Variants in UTP20 observed in about 807,000 individuals in gnomAD.
UTP20 encodes the protein small subunit processome component 20 homolog.
A neutral mutation model predicts 329.5 loss-of-function variants in UTP20; 164 were observed. That is an observed-to-expected ratio of 0.50 (90% CI 0.44 to 0.57). The LOEUF is 0.57. Ranked by LOEUF, UTP20 falls within the 20% of genes least tolerant of loss-of-function variation. The pLI is 0.00. For synonymous variants in UTP20, 1,151 were observed against 1,159.3 expected (o/e 0.99, Z 0.14); for missense variants, 3,055 against 3,284.2 (o/e 0.93, Z 1.71).
At chr12:101,320,988 A>T (rs1231580630) in intron 24 of UTP20, 51 bp downstream of exon 24, 2 of 1,505,294 alleles carry the variant, frequency 1.3e-6, no homozygotes, top group East Asian at 2.3e-5. Flanking sequence ...TGATTTTTAT[A>T]TTTCTGCCTA....
At chr12:101,365,378 A>G (rs915372183) in intron 45 of UTP20, 81 bp from the exon 46 acceptor site, 3 of 1,014,198 alleles carry the variant, frequency 3.0e-6, no homozygotes, top group Non-Finnish European at 4.2e-6. Flanking sequence ...GAAAGCTAAT[A>G]TATAAAAGAA....
In UTP20 at chr12:101,342,459, A is replaced by T; in HGVS notation, c.4115A>T (p.Asp1372Val). ...TTTCTTCTCAAGGATACAGAGGTTG[A>T]TATTCTGGTGACAGTACAAAACTTG... Reference protein sequence around the residue: ...RGNIAEDTEVDILVTVQNLLK... With the variant: ...RGNIAEDTEVVILVTVQNLLK... Residue 1372 changes from aspartate (D) to valine (V), a missense_variant, in exon 33 of 62, where the codon GAT (aspartate) becomes GTT (valine). By Grantham distance (152) the Asp-to-Val change is radical (BLOSUM62 -3). Coordinates refer to ENST00000261637, the MANE Select transcript of UTP20 (RefSeq NM_014503.3). 4 of 1,607,732 alleles carry T rather than the reference A, an allele frequency of 2.5e-6. No homozygotes were observed. Among genetic ancestry groups the T allele is most frequent in the Non-Finnish European group, 3.4e-6 (4 of 1,178,422 alleles).
Position 101,360,475 on chromosome 12 carries a change from A to G in UTP20, c.5692-1487A>G, listed in dbSNP as rs1279970994. On this transcript the variant is annotated intron_variant, in intron 43 of 61. Coordinates refer to ENST00000261637, the MANE Select transcript of UTP20 (RefSeq NM_014503.3). ...AATAAATCCATCATAAAGTTGAAAAATCATAGATCAAAACATTGTAAGTCG... is the reference window on the plus strand; with the variant it reads ...AATAAATCCATCATAAAGTTGAAAAGTCATAGATCAAAACATTGTAAGTCG... Among the ~76,000 whole-genome samples the G allele has an allele frequency of 4.6e-5, 7 of 152,288 alleles. No homozygotes were observed. In the East Asian group the frequency reaches 9.7e-4, roughly 21 times the overall value.
intron 18 of UTP20, among the ~76,000 whole-genome samples, chr12:101,308,927 G>A (rs529109704): frequency 1.8e-4 from 27 of 152,150 alleles, no homozygotes; most frequent in Admixed American, 1.4e-3. Flanking sequence ...TAGAGATGGG[G>A]TTTCACCGTG....
At chr12:101,290,379 G>C in intron 7 of UTP20, 105 bp downstream of exon 7, 1 of 1,339,174 alleles carries the variant, frequency 7.5e-7, no homozygotes, top group Non-Finnish European at 9.9e-7. Flanking sequence ...AGAGTACATA[G>C]CACTAGATGA....
Position 101,286,448 on chromosome 12 carries a change from T to C in UTP20, c.454T>C (p.Leu152=). Residue 152 remains leucine, a synonymous_variant, in exon 5 of 62, where the codon TTA becomes CTA. Transcript: ENST00000261637. ...GTTGTTAGAATGGGCTTTCACCTCG[T>C]TATCATATCTTTATAAGTACCTGTG... ...TELLEWAFTS[L]SYLYKYLWRL... is the part of the protein sequence containing the mutation. 1 of 1,614,016 alleles carries C rather than the reference T, an allele frequency of 6.2e-7. No individual in the cohort carries two copies. The highest frequency in any genetic ancestry group is 8.5e-7 in the Non-Finnish European group (1 of 1,179,934).
At chr12:101,345,291 T>G (rs1417463688) in intron 36 of UTP20, among the ~76,000 whole-genome samples, 3 of 151,960 alleles carry the variant, frequency 2.0e-5, no homozygotes, top group Non-Finnish European at 4.4e-5. Context: ...TTTTTGTTTT[T>G]TGTTTTTGAG....
Position 101,334,536 on chromosome 12 carries a change from G to A in UTP20, c.3641+32G>A. On this transcript the variant is annotated intron_variant, in intron 29 of 61. Transcript: ENST00000261637. The stretch of plus-strand genomic sequence containing the variant: ...CCTTTCTTTTTTCCTTCTTTAAAAA[G>A]GGCAGTGTTTTAGATGAATCTGGTT... 5 of 1,581,410 alleles carry A rather than the reference G, an allele frequency of 3.2e-6. No individual in the cohort carries two copies. In the South Asian group the frequency reaches 4.5e-5, roughly 14 times the overall value.
In UTP20 at chr12:101,370,990, C is replaced by G. The variant is rs140349915; in HGVS notation, c.6688-68C>G. On this transcript the variant is annotated intron_variant, in intron 50 of 61. Coordinates refer to ENST00000261637, the MANE Select transcript of UTP20 (RefSeq NM_014503.3). ...AAATGTCCTGTGGTTGCTTTAGCGT[C>G]AAATCTGCTTCCACGCATCTGCAGC... The G allele has an allele frequency of 4.7e-5, 66 of 1,395,534 alleles. No individual in the cohort carries two copies. In the East Asian group the frequency reaches 1.5e-3, roughly 32 times the overall value. 86.4% of individuals were successfully genotyped at this position (1,395,534 alleles called of 1,614,324 possible).
chr12:101,373,516 A>G (rs942570095), intron 53 of UTP20, 46 bp downstream of exon 53: 7 of 1,613,762 alleles, frequency 4.3e-6, no homozygotes, highest in Non-Finnish European at 5.9e-6. Flanking sequence ...GGAAGTCCTC[A>G]GTCCCCCTTT....
At chr12:101,325,998 C>T (rs2137264122) in intron 25 of UTP20, among the ~76,000 whole-genome samples, 1 of 152,258 alleles carries the variant, frequency 6.6e-6, no homozygotes, top group African/African-American at 2.4e-5. Flanking sequence ...TTCTGCATAA[C>T]TTAGTAAACG....
In UTP20 at chr12:101,320,878, G is replaced by A; in HGVS notation, c.2856G>A (p.Val952=). ...TGTTGCTACACCAAGATCAAATGGT[G>A]CAAAAAATAACCTTGGATTGCATAA... The part of the protein sequence containing the change: ...LQLLLHQDQM[V]QKITLDCIMT... Residue 952 remains valine, a synonymous_variant, in exon 24 of 62, where the codon GTG becomes GTA. Coordinates refer to ENST00000261637, the MANE Select transcript of UTP20 (RefSeq NM_014503.3). The A allele has an allele frequency of 1.2e-6, 2 of 1,611,376 alleles. No homozygotes were observed. Among genetic ancestry groups the A allele is most frequent in the Non-Finnish European group, 1.7e-6 (2 of 1,179,446 alleles).
chr12:101,381,522 C>T (rs1359147560), intron 58 of UTP20, among the ~76,000 whole-genome samples: 2 of 151,722 alleles, frequency 1.3e-5, no homozygotes, highest in East Asian at 1.9e-4. Context: ...GGTGACAGAG[C>T]GAGACTCCGT....
chr12:101,369,056 C>A (rs1275174214), intron 48 of UTP20, among the ~76,000 whole-genome samples: 1 of 152,202 alleles, frequency 6.6e-6, no homozygotes, highest in African/African-American at 2.4e-5. Context: ...TAGCACTTAA[C>A]TATATTAAAT....
rs535250450 is a variant in UTP20, at chr12:101,329,222, G to A, written c.3209-19G>A. The A allele has an allele frequency of 6.0e-5, 97 of 1,606,604 alleles. No homozygotes were observed. The East Asian group carries it at 7.4e-4, about 12-fold the overall frequency. ...AATATGTTACCTTACATGACCTCTC[G>A]TCCTCTTTGTTTCACTAGGAGAGTG... On this transcript the variant is annotated intron_variant, in intron 26 of 61. Coordinates refer to ENST00000261637, the MANE Select transcript of UTP20 (RefSeq NM_014503.3).
At chr12:101,291,942 G>GA (rs1360585231) in intron 9 of UTP20, 28 bp from the exon 10 acceptor site, 3 of 1,609,840 alleles carry the variant, frequency 1.9e-6, no homozygotes, top group East Asian at 4.5e-5. Context: ...GCTGATTGCT[G>GA]AGTATGCATT....
intron 35 of UTP20, 120 bp from the exon 36 acceptor site, chr12:101,344,475 T>C (rs2305865): frequency 0.12 from 81,402 of 652,750 alleles, 14,937 homozygotes; most frequent in East Asian, 0.54. Context: ...TGGGAACTTG[T>C]TTAGTAGGCA....
chr12:101,376,252 A>G (rs1870467614), intron 56 of UTP20, among the ~76,000 whole-genome samples: 2 of 152,184 alleles, frequency 1.3e-5, no homozygotes, highest in South Asian at 4.1e-4. Flanking sequence ...CACCTAGTAG[A>G]TATCCTTTTA....
intron 57 of UTP20, among the ~76,000 whole-genome samples, chr12:101,380,728 G>A (rs1406954433): frequency 1.3e-5 from 2 of 152,014 alleles, no homozygotes; most frequent in Non-Finnish European, 2.9e-5. Context: ...GCTGGGTGTG[G>A]TGGTAGGTGC....
Sources: allele counts gnomAD v4.1 joint callset (sites outside exome capture counted in the v4.1 genomes callset), GRCh38; gene constraint gnomAD v4.1.1; transcripts MANE v1.5; gene names NCBI Gene and HGNC (gene_info 2026-07-23, HGNC 2026-07-21).